The following GPHN variants were observed in gnomAD, a reference collection of about 807,000 sequenced individuals.
GPHN encodes gephyrin.
GPHN carries 17 observed loss-of-function variants against 95.5 expected under a neutral mutation model. That is an observed-to-expected ratio of 0.18 (90% CI 0.12 to 0.27). The LOEUF is 0.27. GPHN is among the 10% of genes least tolerant of loss of function. The pLI is 1.00. For synonymous variants in GPHN, 320 were observed against 322.5 expected, an observed-to-expected ratio of 0.99 and a Z score of 0.08; for missense variants, 660 against 978.1, an observed-to-expected ratio of 0.67 and a Z score of 4.34.
At chr14:66,663,484 T>G (rs771930215) in intron 1 of GPHN, among the ~76,000 whole-genome samples, 2 of 152,078 alleles carry the variant, frequency 1.3e-5, no homozygotes, top group Non-Finnish European at 2.9e-5. Context: ...AAGCACTAAA[T>G]ATGGAAAGGA....
At chr14:67,388,392 G>A in the GPHN span, 1 of 795,016 alleles carries the variant, frequency 1.3e-6, no homozygotes, top group Non-Finnish European at 2.2e-6. Flanking sequence ...AGCTAAAGAA[G>A]TGAGTGCAAA....
chr14:67,387,535 C>G, the GPHN span: 1 of 1,425,870 alleles, frequency 7.0e-7, no homozygotes, highest in Admixed American at 2.1e-5. Flanking sequence ...AGAAAGTCAA[C>G]TGAGACATGG....
the GPHN span, among the ~76,000 whole-genome samples, chr14:67,268,669 G>A: frequency 9.9e-5 from 15 of 152,276 alleles, no homozygotes; most frequent in Non-Finnish European, 2.1e-4. Context: ...GCATGCTAAC[G>A]CATTATAATT....
At chr14:67,589,581 G>A in the GPHN span, 1 of 985,526 alleles carries the variant, frequency 1.0e-6, no homozygotes, top group Middle Eastern at 5.2e-4. Flanking sequence ...AAATAAATAA[G>A]CCCTGTACAG....
At chr14:67,602,160 G>C in the GPHN span, among the ~76,000 whole-genome samples, 6 of 152,282 alleles carry the variant, frequency 3.9e-5, no homozygotes, top group South Asian at 8.3e-4. Flanking sequence ...GTTCCACATG[G>C]CTGGCAAGGC....
chr14:66,663,936 C>T (rs971718042), intron 1 of GPHN, among the ~76,000 whole-genome samples: 29 of 152,266 alleles, frequency 1.9e-4, no homozygotes, highest in East Asian at 1.9e-4. Flanking sequence ...AACTAGCTAT[C>T]GTAAATATAT....
At chr14:66,549,924 T>C (rs1038401084) in intron 1 of GPHN, among the ~76,000 whole-genome samples, 2 of 152,218 alleles carry the variant, frequency 1.3e-5, no homozygotes, top group Non-Finnish European at 2.9e-5. Context: ...CTAAATATTT[T>C]AAGCCTATTA....
At chr14:66,946,256 A>C (rs1352460441) in intron 8 of GPHN, among the ~76,000 whole-genome samples, 1 of 152,172 alleles carries the variant, frequency 6.6e-6, no homozygotes, top group Non-Finnish European at 1.5e-5. Flanking sequence ...TACGTAATAA[A>C]GTTAACATAT....
At chr14:67,018,275 A>G (rs2073419258) in intron 9 of GPHN, among the ~76,000 whole-genome samples, 1 of 152,178 alleles carries the variant, frequency 6.6e-6, no homozygotes, top group Non-Finnish European at 1.5e-5. Flanking sequence ...CTTAAAATGA[A>G]TGAGTTTTAT....
In GPHN at chr14:67,130,922, A is replaced by T. The variant is rs368246673; in HGVS notation, c.1748+8545A>T. 1.2e-4 allele frequency among the ~76,000 whole-genome samples: 18 copies of T among 152,190 alleles called. 1 individual carries two copies. The East Asian group carries it at 2.9e-3, about 25-fold the overall frequency. ...TTGGCTGCTTGTATGTCTTCTTTTG[A>T]GAAGTGTCTGTTCAGGTTTTTTGCC... is the stretch of plus-strand genomic sequence containing the variant. On this transcript the variant is annotated intron_variant, in intron 17 of 22. Transcript: ENST00000478722.
the GPHN span, chr14:67,198,264 G>T: frequency 6.2e-7 from 1 of 1,613,894 alleles, no homozygotes; most frequent in Non-Finnish European, 8.5e-7. Flanking sequence ...TATGTTGGAT[G>T]GAGGAGAGTA....
At chr14:67,412,043 A>G in the GPHN span, 1 of 1,556,766 alleles carries the variant, frequency 6.4e-7, no homozygotes, top group Non-Finnish European at 8.7e-7. Flanking sequence ...GCCCTCCTTG[A>G]GCACGCCGTC....
the GPHN span, among the ~76,000 whole-genome samples, chr14:67,457,120 C>T: frequency 5.2e-4 from 79 of 152,238 alleles, no homozygotes; most frequent in Non-Finnish European, 1.1e-3. Context: ...GACACCAGGG[C>T]CTACTTGAGG....
At chr14:67,722,310 G>C in the GPHN span, 2 of 425,488 alleles carry the variant, frequency 4.7e-6, no homozygotes, top group South Asian at 2.3e-5. Context: ...TCCTAGAGAA[G>C]AGAAACAATT....
At chr14:66,910,874 A>G (rs969991300) in intron 5 of GPHN, among the ~76,000 whole-genome samples, 3 of 151,972 alleles carry the variant, frequency 2.0e-5, no homozygotes, top group African/African-American at 7.2e-5. Context: ...TTTGAAGAAC[A>G]CTGTCCTAGA....
At chr14:67,512,049 T>C in the GPHN span, among the ~76,000 whole-genome samples, 8 of 152,366 alleles carry the variant, frequency 5.3e-5, no homozygotes, top group African/African-American at 1.9e-4. Flanking sequence ...ATGTAAATTC[T>C]GGTACGTAAA....
chr14:67,099,654 C>T (rs1188257427), intron 12 of GPHN, among the ~76,000 whole-genome samples: 1 of 151,832 alleles, frequency 6.6e-6, no homozygotes, highest in Non-Finnish European at 1.5e-5. Flanking sequence ...AATTTTTGTC[C>T]CTCTTCACAT....
chr14:67,148,665 A>G (rs561089990), intron 18 of GPHN, among the ~76,000 whole-genome samples: 1 of 140,710 alleles, frequency 7.1e-6, no homozygotes, highest in Non-Finnish European at 1.5e-5. Flanking sequence ...GGTTCATGCC[A>G]TTCTCCCACC....
At chr14:66,646,392 C>A (rs2064745152) in intron 1 of GPHN, among the ~76,000 whole-genome samples, 1 of 151,880 alleles carries the variant, frequency 6.6e-6, no homozygotes, top group Admixed American at 6.6e-5. Context: ...AATGGTACAT[C>A]CATTATGAAA....
Sources: gnomAD v4.1 joint callset for allele counts (sites outside exome capture counted in the v4.1 genomes callset) on GRCh38, gnomAD v4.1.1 for gene constraint, MANE v1.5 for transcripts, NCBI Gene and HGNC (gene_info 2026-07-23, HGNC 2026-07-21) for gene names.